ACOX2: variants seen among roughly 807,000 people sequenced by gnomAD.
ACOX2 encodes acyl-CoA oxidase 2, also known as peroxisomal acyl-coenzyme A oxidase 2.
A neutral mutation model predicts 77.5 loss-of-function variants in ACOX2; 59 were observed. The observed-to-expected ratio is 0.76, with a 90% CI of 0.62 to 0.95. ACOX2 has a LOEUF of 0.95. Ranked by LOEUF, ACOX2 falls within the 40% of genes least tolerant of loss-of-function variation. The pLI is 0.00. For missense variants in ACOX2, 837 were observed against 880.4 expected (o/e 0.95, Z 0.62); for synonymous variants, 317 against 340.1 (o/e 0.93, Z 0.75).
rs1468449419 is a variant in ACOX2, at chr3:58,505,136, T to C, written c.*88A>G. The C allele has an allele frequency of 1.0e-5, 11 of 1,088,128 alleles. No individual in the cohort carries two copies. The highest frequency in any genetic ancestry group is 2.4e-5 in the East Asian group (1 of 40,972). The allele number at this position is 1,088,128 out of a possible 1,614,324, so 67.4% of individuals were successfully genotyped here. A position where few individuals can be genotyped will look rare whatever the true frequency, so the allele number is the denominator to read the frequency against. ...AGATAATGACTCTAAAACATAAATA[T>C]CTAATTTAAAATTTTAATGTTGCAT... is the stretch of plus-strand genomic sequence containing the variant. On this transcript the variant is annotated 3_prime_UTR_variant, in exon 15 of 15. Transcript: ENST00000302819. This position sits in a 1 kb window ranked among gnomAD's most constrained non-coding sequence, Gnocchi z 4.4.
In ACOX2 at chr3:58,524,383, C is replaced by A; in HGVS notation, c.1526+43G>T. The A allele has an allele frequency of 6.3e-7, 1 of 1,593,850 alleles. No individual in the cohort carries two copies. Among genetic ancestry groups the A allele is most frequent in the South Asian group, 1.1e-5 (1 of 89,578 alleles). ...CCAAAGGCCCTAGTGTGGCATGGAG[C>A]CTGTGCCCAGGTGGGATGGCTGATT... On this transcript the variant is annotated intron_variant, in intron 11 of 14. Coordinates refer to ENST00000302819, the MANE Select transcript of ACOX2 (RefSeq NM_003500.4). This position sits in a 1 kb window ranked among gnomAD's most constrained non-coding sequence, Gnocchi z 5.5.
In ACOX2 at chr3:58,505,176, C is replaced by T. The variant is rs1576982613; in HGVS notation, c.*48G>A. On this transcript the variant is annotated 3_prime_UTR_variant, in exon 15 of 15. Transcript: ENST00000302819. This position sits in a 1 kb window ranked among gnomAD's most constrained non-coding sequence, Gnocchi z 4.4. ...TAATGTTGCATATATGCCATAGTAC[C>T]ATTATCACATGATGGTGCTGGTTGC... is the stretch of plus-strand genomic sequence containing the variant. 6.7e-7 allele frequency: 1 copy of T among 1,483,628 alleles called. No individual in the cohort carries two copies. Among genetic ancestry groups the T allele is most frequent in the Non-Finnish European group, 9.3e-7 (1 of 1,070,784 alleles). 91.9% of individuals were successfully genotyped at this position (1,483,628 alleles called of 1,614,324 possible).
chr3:58,508,371 T>G (rs1340406982), intron 14 of ACOX2, among the ~76,000 whole-genome samples: 1 of 152,192 alleles, frequency 6.6e-6, no homozygotes, highest in Non-Finnish European at 1.5e-5. Flanking sequence ...GCAGCAGCTT[T>G]CTTTGCTCCT....
chr3:58,526,745 A>G lies in ACOX2; in HGVS notation c.1156-89T>C. The G allele has an allele frequency of 7.2e-7, 1 of 1,387,966 alleles. No individual in the cohort carries two copies. Among genetic ancestry groups the G allele is most frequent in the Non-Finnish European group, 9.9e-7 (1 of 1,008,898 alleles). The allele number at this position is 1,387,966 out of a possible 1,614,324, so 86.0% of individuals were successfully genotyped here. Reference sequence around the variant, plus strand: ...TGCACCACTTACTGAGCATCTACTCATGCCCAGCTCAGCTCTGAGGTAAGA... The same window carrying G: ...TGCACCACTTACTGAGCATCTACTCGTGCCCAGCTCAGCTCTGAGGTAAGA... On this transcript the variant is annotated intron_variant, in intron 9 of 14. Transcript: ENST00000302819. This position sits in a 1 kb window ranked among gnomAD's most constrained non-coding sequence, Gnocchi z 4.3.
In ACOX2 at chr3:58,531,824, G is replaced by A. The variant is rs749435211; in HGVS notation, c.584-12C>T. The A allele has an allele frequency of 1.9e-6, 3 of 1,610,638 alleles. No homozygotes were observed. In the African/African-American group the frequency reaches 4.0e-5, roughly 22 times the overall value. On this transcript the variant is annotated splice_polypyrimidine_tract_variant and intron_variant, in intron 5 of 14. Transcript: ENST00000302819. The surrounding 1 kb of genome is among the most constrained non-coding windows in gnomAD (Gnocchi z 5.8). ...GGCTGACCGTCCCACTGAGGGCAGA[G>A]AGAGTAGCGGCCCGTCACAGGAAGA...
rs907394103 is a variant in ACOX2, at chr3:58,524,308, G to A, written c.1526+118C>T. 6 of 1,299,260 alleles carry A rather than the reference G, an allele frequency of 4.6e-6. No homozygotes were observed. In the African/African-American group the frequency reaches 7.4e-5, roughly 16 times the overall value. The allele number at this position is 1,299,260 out of a possible 1,614,324, so 80.5% of individuals were successfully genotyped here. A position where few individuals can be genotyped will look rare whatever the true frequency, so the allele number is the denominator to read the frequency against. On this transcript the variant is annotated intron_variant, in intron 11 of 14. Transcript: ENST00000302819. This position sits in a 1 kb window ranked among gnomAD's most constrained non-coding sequence, Gnocchi z 5.5. ...GGAACTGAGAGGACCGGGGAGGCTA[G>A]GCATGGGGTGGTTTTTAGAACTGAA...
Position 58,514,164 on chromosome 3 carries a change from G to C in ACOX2, c.1850+3042C>G, listed in dbSNP as rs1432255790. Among the ~76,000 whole-genome samples the C allele has an allele frequency of 6.6e-6, 1 of 152,164 alleles. No homozygotes were observed. The highest frequency in any genetic ancestry group is 1.5e-5 in the Non-Finnish European group (1 of 68,018). On this transcript the variant is annotated intron_variant, in intron 13 of 14. Transcript: ENST00000302819. The surrounding 1 kb of genome is among the most constrained non-coding windows in gnomAD (Gnocchi z 4.3). ...GTCTTAAAATTACTCACAGAGGCTA[G>C]GTGTGTTAGCTCATGCATGTAATCC...
chr3:58,525,736 G>A lies in ACOX2; in HGVS notation c.1346+730C>T, dbSNP rs2063389388. Among the ~76,000 whole-genome samples, 1 of 152,218 alleles carries A rather than the reference G, an allele frequency of 6.6e-6. No individual in the cohort carries two copies. Among genetic ancestry groups the A allele is most frequent in the African/African-American group, 2.4e-5 (1 of 41,456 alleles). On this transcript the variant is annotated intron_variant, in intron 10 of 14. Coordinates refer to ENST00000302819, the MANE Select transcript of ACOX2 (RefSeq NM_003500.4). The surrounding 1 kb of genome is among the most constrained non-coding windows in gnomAD (Gnocchi z 5.0). ...AGTGTGTGGCCGGCAGAAGTGAGCAGAGGTGGCTGGGTGCGGTGGCTTGTG... is the reference window on the plus strand; with the variant it reads ...AGTGTGTGGCCGGCAGAAGTGAGCAAAGGTGGCTGGGTGCGGTGGCTTGTG...
intron 5 of ACOX2, among the ~76,000 whole-genome samples, chr3:58,532,363 C>CT (rs951512882): frequency 2.0e-5 from 3 of 151,436 alleles, no homozygotes; most frequent in Admixed American, 6.6e-5. Flanking sequence ...CTCTCTCTCT[C>CT]TTTTTTTTTC....
chr3:58,530,770 T>TAA (rs1264774664), intron 7 of ACOX2, 132 bp from the exon 8 acceptor site: 51 of 1,181,352 alleles, frequency 4.3e-5, no homozygotes, highest in Non-Finnish European at 3.6e-6. Flanking sequence ...GTTGGAGTGT[T>TAA]AAAATACCAG....
chr3:58,535,002 C>G lies in ACOX2; in HGVS notation c.105G>C (p.Arg35=). The change falls in exon 2 of 15, where the codon CGG becomes CGC. Residue 35 remains arginine, a synonymous_variant. Transcript: ENST00000302819. This position sits in a 1 kb window ranked among gnomAD's most constrained non-coding sequence, Gnocchi z 4.8. ...CACCTCCATCAAGGATGTTGGTGAG[C>G]CGTTCCACGTCAAAGGACTGCATAT... ...ERYMQSFDVE[R]LTNILDGGAQ... 1 of 1,614,202 alleles carries G rather than the reference C, an allele frequency of 6.2e-7. No individual in the cohort carries two copies. Among genetic ancestry groups the G allele is most frequent in the Non-Finnish European group, 8.5e-7 (1 of 1,180,032 alleles).
intron 13 of ACOX2, chr3:58,511,047 G>A (rs1398819705): frequency 6.6e-6 from 3 of 456,158 alleles, no homozygotes; most frequent in Admixed American, 2.4e-5. Flanking sequence ...GCTTTACATC[G>A]TATTTCACTA....
rs796292356 is a variant in ACOX2, at chr3:58,518,796, C to CTTT, written c.1633-1376_1633-1374dup. 2.3e-3 allele frequency among the ~76,000 whole-genome samples: 320 copies of CTTT among 141,608 alleles called. 1 individual carries two copies. Among genetic ancestry groups the CTTT allele is most frequent in the African/African-American group, 7.9e-3 (307 of 38,736 alleles). The allele number at this position is 141,608 out of a possible 152,430, so 92.9% of individuals were successfully genotyped here. A position where few individuals can be genotyped will look rare whatever the true frequency, so the allele number is the denominator to read the frequency against. Reference sequence around the variant, plus strand: ...CACAGGCACACACCACCATGCCCGGCTTTTTTTTTTTTTTGTATTTTTAGT... The same window carrying CTTT: ...CACAGGCACACACCACCATGCCCGGCTTTTTTTTTTTTTTTTTGTATTTTTAGT... On this transcript the variant is annotated intron_variant, in intron 12 of 14. Transcript: ENST00000302819.
chr3:58,527,320 G>C (rs145501308), intron 9 of ACOX2, among the ~76,000 whole-genome samples: 1 of 152,004 alleles, frequency 6.6e-6, no homozygotes, highest in Non-Finnish European at 1.5e-5. Flanking sequence ...GGTGGATCAC[G>C]AGGTCAGGAG....
intron 12 of ACOX2, among the ~76,000 whole-genome samples, chr3:58,517,730 T>G (rs2063332012): frequency 1.3e-5 from 2 of 152,080 alleles, no homozygotes; most frequent in Admixed American, 1.3e-4. Context: ...ACAGGCATAT[T>G]GGAGGCTGGC....
chr3:58,511,562 C>T (rs1315324476), intron 13 of ACOX2: 1 of 167,050 alleles, frequency 6.0e-6, no homozygotes, highest in Non-Finnish European at 1.3e-5. Context: ...CCACAAGGTA[C>T]TCTGTAGATA....
chr3:58,527,871 T>C (rs2063408432), intron 9 of ACOX2, among the ~76,000 whole-genome samples: 1 of 151,546 alleles, frequency 6.6e-6, no homozygotes, highest in South Asian at 2.1e-4. Flanking sequence ...TTTTCATTTT[T>C]TTTTTTTTTT....
At chr3:58,517,756 G>A (rs1004819878) in intron 12 of ACOX2, among the ~76,000 whole-genome samples, 3 of 152,070 alleles carry the variant, frequency 2.0e-5, no homozygotes, top group Admixed American at 6.5e-5. Flanking sequence ...GAAGGTGGAG[G>A]ACAGCACCAC....
At chr3:58,520,416 T>C (rs375107037) in intron 12 of ACOX2, among the ~76,000 whole-genome samples, 6 of 152,338 alleles carry the variant, frequency 3.9e-5, no homozygotes, top group East Asian at 3.9e-4. Flanking sequence ...TCTCTTCTGG[T>C]CAGAGTCTGA....
Sources: allele counts gnomAD v4.1 joint callset (sites outside exome capture counted in the v4.1 genomes callset), GRCh38; gene constraint gnomAD v4.1.1; non-coding constraint Gnocchi (gnomAD v3.1); transcripts MANE v1.5; gene names NCBI Gene and HGNC (gene_info 2026-07-23, HGNC 2026-07-21).